NRG1: variants seen among roughly 807,000 people sequenced by gnomAD.
NRG1 encodes the protein pro-neuregulin-1, membrane-bound isoform.
NRG1 carries 18 observed loss-of-function variants against 63.8 expected under a neutral mutation model. That is an observed-to-expected ratio of 0.28 (90% CI 0.19 to 0.42). The LOEUF is 0.42. NRG1 is among the 10% of genes least tolerant of loss of function. The pLI is 1.00. For synonymous variants in NRG1, 302 were observed against 301.3 expected (o/e 1.00, Z -0.02); for missense variants, 762 against 814.7 (o/e 0.94, Z 0.79).
chr8:32,207,510 CA>C (rs1844197308), intron 1 of NRG1, among the ~76,000 whole-genome samples: 1 of 152,116 alleles, frequency 6.6e-6, no homozygotes, highest in Admixed American at 6.6e-5. Flanking sequence ...TCTGTCTGGT[CA>C]GAAGCTACTA....
At chr8:32,682,474 A>T (rs1048409052) in intron 5 of NRG1, among the ~76,000 whole-genome samples, 3 of 152,134 alleles carry the variant, frequency 2.0e-5, no homozygotes, top group African/African-American at 7.2e-5. Context: ...GAGTAAAATG[A>T]TCCCTGTAAT....
intron 1 of NRG1, among the ~76,000 whole-genome samples, chr8:31,925,501 G>C (rs1585808497): frequency 6.6e-6 from 1 of 152,008 alleles, no homozygotes; most frequent in African/African-American, 2.4e-5. Flanking sequence ...TTCTATATTT[G>C]ATGTCTTTTA....
chr8:32,412,695 G>A (rs1342520221), intron 1 of NRG1, among the ~76,000 whole-genome samples: 2 of 151,630 alleles, frequency 1.3e-5, no homozygotes, highest in Non-Finnish European at 2.9e-5. Context: ...TCCCAGACTA[G>A]AAACCTGTAC....
chr8:31,742,678 A>G (rs1239319707), intron 1 of NRG1, among the ~76,000 whole-genome samples: 2 of 151,852 alleles, frequency 1.3e-5, no homozygotes, highest in Non-Finnish European at 1.5e-5. Flanking sequence ...TTGCTCAAGT[A>G]AGAGGAAAAA....
At chr8:31,804,907 T>G (rs946027671) in intron 1 of NRG1, among the ~76,000 whole-genome samples, 9 of 152,242 alleles carry the variant, frequency 5.9e-5, no homozygotes, top group African/African-American at 2.2e-4. Flanking sequence ...CATCCCATCA[T>G]GCATTTGTGG....
At chr8:31,761,209 A>G (rs1179906178) in intron 1 of NRG1, among the ~76,000 whole-genome samples, 1 of 152,120 alleles carries the variant, frequency 6.6e-6, no homozygotes, top group Admixed American at 6.6e-5. Flanking sequence ...AGGACAAAAA[A>G]CCAAACACCT....
chr8:31,761,264 G>A (rs2131516995), intron 1 of NRG1, among the ~76,000 whole-genome samples: 1 of 152,144 alleles, frequency 6.6e-6, no homozygotes, highest in Admixed American at 6.5e-5. Context: ...AGAACACATG[G>A]ACACAGGAAG....
intron 1 of NRG1, among the ~76,000 whole-genome samples, chr8:31,649,050 C>A (rs1159878510): frequency 2.0e-5 from 3 of 151,580 alleles, no homozygotes; most frequent in African/African-American, 7.3e-5. Context: ...CCTCCACCTC[C>A]TGAGTTCAAG....
chr8:32,607,738 G>A (rs1398651887), intron 3 of NRG1, among the ~76,000 whole-genome samples: 2 of 152,184 alleles, frequency 1.3e-5, no homozygotes, highest in African/African-American at 4.8e-5. Context: ...ATAGGGTAGA[G>A]AGATGAAACT....
At chr8:32,194,487 T>A (rs530910749) in intron 1 of NRG1, among the ~76,000 whole-genome samples, 47 of 152,154 alleles carry the variant, frequency 3.1e-4, no homozygotes, top group Non-Finnish European at 6.2e-4. Context: ...TTACACATCA[T>A]CCAATCCCAC....
intron 1 of NRG1, among the ~76,000 whole-genome samples, chr8:32,426,286 GA>G (rs1817361607): frequency 1.3e-5 from 2 of 152,232 alleles, no homozygotes; most frequent in South Asian, 4.1e-4. Context: ...CTACAGAACT[GA>G]AACATCAATG....
chr8:31,994,073 G>A (rs1306359273), intron 1 of NRG1, among the ~76,000 whole-genome samples: 1 of 151,856 alleles, frequency 6.6e-6, no homozygotes, highest in South Asian at 2.1e-4. Flanking sequence ...CGAGGTACAG[G>A]GTGCTATTTA....
intron 1 of NRG1, among the ~76,000 whole-genome samples, chr8:32,560,637 A>G (rs1836211392): frequency 6.6e-6 from 1 of 152,296 alleles, no homozygotes; most frequent in East Asian, 1.9e-4. Flanking sequence ...TTGTTCCTAA[A>G]TTGTTATTTT....
At chr8:32,103,531 T>G (rs1003907078) in intron 1 of NRG1, among the ~76,000 whole-genome samples, 1 of 152,214 alleles carries the variant, frequency 6.6e-6, no homozygotes, top group African/African-American at 2.4e-5. Flanking sequence ...CTGATTTCCT[T>G]TCTTTTGGGA....
At chr8:31,797,619 C>T (rs1821355298) in intron 1 of NRG1, among the ~76,000 whole-genome samples, 1 of 152,120 alleles carries the variant, frequency 6.6e-6, no homozygotes, top group Non-Finnish European at 1.5e-5. Context: ...GGTATTTATC[C>T]AAAGGAAACA....
At chr8:32,511,927 C>T (rs916429161) in intron 1 of NRG1, among the ~76,000 whole-genome samples, 3 of 152,026 alleles carry the variant, frequency 2.0e-5, no homozygotes, top group African/African-American at 7.2e-5. Flanking sequence ...AGAGCCAGGA[C>T]CAGTGGGGTA....
intron 1 of NRG1, among the ~76,000 whole-genome samples, chr8:31,761,142 G>A (rs561605157): frequency 6.6e-6 from 1 of 152,306 alleles, no homozygotes; most frequent in African/African-American, 2.4e-5. Flanking sequence ...ATGAGTTCAT[G>A]TCCTTTGTAG....
intron 1 of NRG1, among the ~76,000 whole-genome samples, chr8:32,463,374 A>G (rs1822579969): frequency 1.3e-5 from 2 of 152,118 alleles, no homozygotes; most frequent in Non-Finnish European, 2.9e-5. Context: ...AAACTTTTAT[A>G]CTGTTTTCCA....
At position 32,326,144 on chromosome 8, in the gene NRG1, C is replaced by G. The variant is rs565846891; in HGVS notation, c.38-269684C>G. On this transcript the variant is annotated intron_variant, in intron 1 of 10. Transcript: ENST00000519301. Reference sequence around the variant, plus strand: ...CCTGCCTCAGCCTCCTGAGTAGCTGCGATTACAGGCGCACGCCACCATGCC... The same window carrying G: ...CCTGCCTCAGCCTCCTGAGTAGCTGGGATTACAGGCGCACGCCACCATGCC... Among the ~76,000 whole-genome samples the G allele has an allele frequency of 2.2e-3, 340 of 151,460 alleles. 2 individuals are homozygous for G. The highest frequency in any genetic ancestry group is 8.0e-3 in the African/African-American group (330 of 41,276).
Sources: allele counts gnomAD v4.1 joint callset (sites outside exome capture counted in the v4.1 genomes callset), GRCh38; gene constraint gnomAD v4.1.1; transcripts MANE v1.5; gene names NCBI Gene and HGNC (gene_info 2026-07-23, HGNC 2026-07-21).